The following SREBF1 variants were observed in gnomAD, a reference collection of about 807,000 sequenced individuals.
SREBF1 encodes sterol regulatory element-binding protein 1.
A neutral mutation model predicts 100.1 loss-of-function variants in SREBF1; 45 were observed. The observed-to-expected ratio is 0.45, with a 90% CI of 0.35 to 0.58. The LOEUF is 0.58. SREBF1 is among the 20% of genes least tolerant of loss of function. SREBF1 has a pLI of 0.00. For missense variants in SREBF1, 1,324 were observed against 1,539.4 expected, an observed-to-expected ratio of 0.86 and a Z score of 2.34; for synonymous variants, 657 against 681.8, an observed-to-expected ratio of 0.96 and a Z score of 0.57.
intron 16 of SREBF1, 164 bp downstream of exon 16, chr17:17,814,080 CT>C: frequency 1.2e-6 from 1 of 829,642 alleles, no homozygotes; most frequent in Non-Finnish European, 1.9e-6. Flanking sequence ...CCCCTCTCCT[CT>C]GGACAGAAGC....
At chr17:17,826,096 C>T (rs77452677) in intron 1 of SREBF1, among the ~76,000 whole-genome samples, 1 of 152,206 alleles carries the variant, frequency 6.6e-6, no homozygotes, top group Non-Finnish European at 1.5e-5. Flanking sequence ...TGAGCTCCCA[C>T]ACCTACGATC....
At chr17:17,826,268 C>G (rs1404499619) in intron 1 of SREBF1, among the ~76,000 whole-genome samples, 1 of 151,694 alleles carries the variant, frequency 6.6e-6, no homozygotes, top group Non-Finnish European at 1.5e-5. Flanking sequence ...AGCTCCATTA[C>G]CATTCGACTG....
Position 17,812,585 on chromosome 17 carries a change from G to A in SREBF1, c.*37C>T. The stretch of plus-strand genomic sequence containing the variant: ...ACAGAAGCTGCACGGGACCAAAGTG[G>A]CTAGAGACAGGGGTGCTGAGGCCGG... On this transcript the variant is annotated 3_prime_UTR_variant, in exon 19 of 19. Coordinates refer to ENST00000261646, the MANE Select transcript of SREBF1 (RefSeq NM_004176.5). The A allele has an allele frequency of 6.4e-7, 1 of 1,560,126 alleles. No homozygotes were observed. The highest frequency in any genetic ancestry group is 8.7e-7 in the Non-Finnish European group (1 of 1,148,732).
intron 1 of SREBF1, among the ~76,000 whole-genome samples, chr17:17,825,334 G>A (rs1390714281): frequency 6.6e-6 from 1 of 152,056 alleles, no homozygotes; most frequent in African/African-American, 2.4e-5. Flanking sequence ...GAGGAAGCGC[G>A]ATGGGAGAGG....
chr17:17,817,332 C>A lies in SREBF1; in HGVS notation c.1530G>T (p.Arg510=). 6.2e-7 allele frequency: 1 copy of A among 1,605,758 alleles called. No homozygotes were observed. Among genetic ancestry groups the A allele is most frequent in the Non-Finnish European group, 8.5e-7 (1 of 1,177,318 alleles). Residue 510 remains arginine (R), a synonymous_variant, in exon 8 of 19, where the codon CGG becomes CGT. Transcript: ENST00000261646. The surrounding 1 kb of genome is among the most constrained non-coding windows in gnomAD (Gnocchi z 6.6). ...CNPLASLLGA[R]GLPSPSDTTS... ...TGGTATCTGAGGGGCTGGGAAGCCC[C>A]CGGGCCCCCAGCAAGGAGGCCAAGG...
Position 17,817,945 on chromosome 17 carries a change from G to T in SREBF1, c.1184-29C>A. 2.5e-6 allele frequency: 4 copies of T among 1,595,578 alleles called. No homozygotes were observed. The highest frequency in any genetic ancestry group is 3.4e-6 in the Non-Finnish European group (4 of 1,176,294). The stretch of plus-strand genomic sequence containing the variant: ...TGGGCCGAAAGGAACAGAGCCAGGA[G>T]TAAAGGCTGGATATGTGACCCCAAA... On this transcript the variant is annotated intron_variant, in intron 6 of 18. Coordinates refer to ENST00000261646, the MANE Select transcript of SREBF1 (RefSeq NM_004176.5). This position sits in a 1 kb window ranked among gnomAD's most constrained non-coding sequence, Gnocchi z 6.6.
intron 1 of SREBF1, among the ~76,000 whole-genome samples, chr17:17,821,873 G>C (rs1598127613): frequency 6.6e-6 from 1 of 152,258 alleles, no homozygotes; most frequent in Non-Finnish European, 1.5e-5. Flanking sequence ...CAGGCCCGCT[G>C]TGGGGCTACC....
chr17:17,813,017 C>G, intron 18 of SREBF1, 166 bp from the exon 19 acceptor site: 1 of 636,392 alleles, frequency 1.6e-6, no homozygotes, highest in Non-Finnish European at 2.7e-6. Context: ...AGCCCACACA[C>G]AAAGTCCACA....
In SREBF1 at chr17:17,820,434, T is replaced by C. The variant is rs770187401; in HGVS notation, c.179A>G (p.Asp60Gly). Residue 60 changes from aspartate (D) to glycine (G), a missense_variant, in exon 2 of 19, where the codon GAC becomes GGC. Physicochemically the swap from Asp to Gly is moderately conservative, Grantham distance 94 (BLOSUM62 -1). Coordinates refer to ENST00000261646, the MANE Select transcript of SREBF1 (RefSeq NM_004176.5). ...PYAGSGAGGT[D>G]PASPDTSSPG... ...GGAGCTGGTATCGGGGCTGGCAGGG[T>C]CTGTGCCCCCTGCCCCACTCCCAGC... is the stretch of plus-strand genomic sequence containing the variant. 3.1e-6 allele frequency: 5 copies of C among 1,613,500 alleles called. No individual in the cohort carries two copies. In the African/African-American group the frequency reaches 6.7e-5, roughly 22 times the overall value.
At chr17:17,827,456 C>T (rs1470720097) in intron 1 of SREBF1, among the ~76,000 whole-genome samples, 3 of 152,208 alleles carry the variant, frequency 2.0e-5, no homozygotes, top group Non-Finnish European at 4.4e-5. Flanking sequence ...AGCTGGGCTG[C>T]ACCCCACCTG....
Position 17,816,731 on chromosome 17 carries a change from GT to G in SREBF1, c.1786-14del. On this transcript the variant is annotated splice_polypyrimidine_tract_variant and intron_variant, in intron 9 of 18. Transcript: ENST00000261646. ...GGGCAAAGTCTCCCTGTGGATGAGGGTTTTCCAGGTGAGAAAAGTGAGGTCA... is the reference window on the plus strand; with the variant it reads ...GGGCAAAGTCTCCCTGTGGATGAGGGTTTCCAGGTGAGAAAAGTGAGGTCA... 6.4e-7 allele frequency: 1 copy of G among 1,573,676 alleles called. No homozygotes were observed. The highest frequency in any genetic ancestry group is 2.3e-5 in the East Asian group (1 of 43,042).
At position 17,812,243 on chromosome 17, in the gene SREBF1, CA is replaced by C; in HGVS notation, c.*378del. The C allele has an allele frequency of 2.5e-6, 1 of 403,316 alleles. No individual in the cohort carries two copies. Among genetic ancestry groups the C allele is most frequent in the Non-Finnish European group, 4.5e-6 (1 of 220,030 alleles). The allele number at this position is 403,316 out of a possible 1,614,324, so 25.0% of individuals were successfully genotyped here. A position where few individuals can be genotyped will look rare whatever the true frequency, so the allele number is the denominator to read the frequency against. On this transcript the variant is annotated 3_prime_UTR_variant, in exon 19 of 19. Transcript: ENST00000261646. ...ACGACGGAGAGAGAGGCCTCTGGGG[CA>C]GAGCCCTGCTTGCAGTCCGGGAAAG... is the stretch of plus-strand genomic sequence containing the variant.
rs1456289084 is a variant in SREBF1 at position 17,820,922 on chromosome 17, G to T, written c.92-401C>A. The T allele has an allele frequency of 1.7e-5, 5 of 296,370 alleles. No individual in the cohort carries two copies. The East Asian group carries it at 4.3e-4, about 25-fold the overall frequency. The allele number at this position is 296,370 out of a possible 1,614,324, so 18.4% of individuals were successfully genotyped here. ...AAACATCCTTAGTCCACAGCAAACA[G>T]CAGGCTCACATTCATTCACTCATCC... is the stretch of plus-strand genomic sequence containing the variant. On this transcript the variant is annotated intron_variant, in intron 1 of 18. Coordinates refer to ENST00000261646, the MANE Select transcript of SREBF1 (RefSeq NM_004176.5).
chr17:17,813,895 GTGCAA>G, intron 16 of SREBF1, 126 bp from the exon 17 acceptor site: 1 of 1,015,416 alleles, frequency 9.8e-7, no homozygotes, highest in Non-Finnish European at 1.5e-6. Context: ...CCTCACACAC[GTGCAA>G]TGCAACAGCA....
At chr17:17,814,085 C>A (rs2033270677) in intron 16 of SREBF1, among the ~76,000 whole-genome samples, 160 bp downstream of exon 16, 2 of 152,194 alleles carry the variant, frequency 1.3e-5, no homozygotes, top group Non-Finnish European at 2.9e-5. Context: ...CTCCTCTGGA[C>A]AGAAGCCTTA....
intron 1 of SREBF1, among the ~76,000 whole-genome samples, chr17:17,825,258 T>C (rs1030710092): frequency 1.2e-4 from 19 of 152,244 alleles, no homozygotes; most frequent in African/African-American, 3.9e-4. Context: ...CTTTACCACA[T>C]ATTCCTGCCT....
rs2032990652 is a variant in SREBF1, at chr17:17,812,512, G to C, written c.*110C>G. Reference sequence around the variant, plus strand: ...CAGCAGCCGCAGGTCGAACTGTGGAGGCCAGAGTCTCTTGCACTGCCTTCG... The same window carrying C: ...CAGCAGCCGCAGGTCGAACTGTGGACGCCAGAGTCTCTTGCACTGCCTTCG... On this transcript the variant is annotated 3_prime_UTR_variant, in exon 19 of 19. Coordinates refer to ENST00000261646, the MANE Select transcript of SREBF1 (RefSeq NM_004176.5). The C allele has an allele frequency of 8.7e-7, 1 of 1,154,246 alleles. No homozygotes were observed. The highest frequency in any genetic ancestry group is 1.6e-5 in the African/African-American group (1 of 64,414). The allele number at this position is 1,154,246 out of a possible 1,614,324, so 71.5% of individuals were successfully genotyped here.
Position 17,812,773 on chromosome 17 carries a change from G to T in SREBF1, c.3293C>A (p.Pro1098His). The T allele has an allele frequency of 6.5e-7, 1 of 1,531,472 alleles. No individual in the cohort carries two copies. The highest frequency in any genetic ancestry group is 2.5e-5 in the East Asian group (1 of 40,690). 94.9% of individuals were successfully genotyped at this position (1,531,472 alleles called of 1,614,324 possible). The change falls in exon 19 of 19, where the codon CCC becomes CAC. Residue 1098 changes from proline (P) to histidine (H), a missense_variant. Transcript: ENST00000261646. ...EALLLASCYLPPGFLSAPGQR... is the reference protein window; with the variant it reads ...EALLLASCYLHPGFLSAPGQR... ...CCCGGGCGCCGACAGGAAGCCGGGG[G>T]GCAGGTAGCAGGAGGCCAGCAGCAA...
At chr17:17,823,651 C>T (rs12936927) in intron 1 of SREBF1, 871,966 of 1,492,616 alleles carry the variant, frequency 0.58, 268,508 homozygotes, top group Non-Finnish European at 0.65. Flanking sequence ...AGCGCTGCGG[C>T]GCGCCCGCCC....
Sources: gnomAD v4.1 joint callset for allele counts (sites outside exome capture counted in the v4.1 genomes callset) on GRCh38, gnomAD v4.1.1 for gene constraint, Gnocchi (gnomAD v3.1) non-coding constraint, MANE v1.5 for transcripts, NCBI Gene and HGNC (gene_info 2026-07-23, HGNC 2026-07-21) for gene names.